Variants in RNASE10 observed in about 807,000 individuals in gnomAD.
The protein encoded by RNASE10 is inactive ribonuclease-like protein 10.
Under a neutral mutation model 1.1 loss-of-function variants are expected in RNASE10, and 2 were observed. The ratio of observed to expected loss-of-function variants is 1.82; its 90% CI spans 0.74 to 5.73. The LOEUF is 5.73. Ranked by LOEUF, RNASE10 falls within the 30% of genes most tolerant of loss-of-function variation. The pLI is 0.05. For missense variants in RNASE10, 276 were observed against 263.4 expected, an observed-to-expected ratio of 1.05 and a Z score of -0.33; for synonymous variants, 97 against 96.2, an observed-to-expected ratio of 1.01 and a Z score of -0.05.
chr14:20,508,978 T>TC (rs1240377211), intron 1 of RNASE10, among the ~76,000 whole-genome samples: 6 of 150,398 alleles, frequency 4.0e-5, no homozygotes, highest in Non-Finnish European at 8.9e-5. Context: ...TCATAGCAAT[T>TC]TTTTTTTTTT....
At chr14:20,504,294 G>A (rs1882632330), upstream of RNASE10, among the ~76,000 whole-genome samples, 1 of 152,226 alleles carries the variant, frequency 6.6e-6, no homozygotes, top group Admixed American at 6.5e-5. Context: ...CCCTGGGAGG[G>A]AAGAACTTGG....
chr14:20,506,584 T>C (rs1383920743), intron 1 of RNASE10, among the ~76,000 whole-genome samples: 1 of 99,980 alleles, frequency 1.0e-5, no homozygotes, highest in Non-Finnish European at 2.0e-5. Context: ...GGAGCCCCTC[T>C]GCCCGGCCAG....
chr14:20,507,375 C>G (rs879685008), intron 1 of RNASE10, among the ~76,000 whole-genome samples: 2 of 126,300 alleles, frequency 1.6e-5, no homozygotes, highest in Admixed American at 8.0e-5. Context: ...GGATTAAGGG[C>G]GGTGCAAGAT....
Position 20,511,002 on chromosome 14 carries a change from G to T in RNASE10, c.615G>T (p.Leu205Phe), listed in dbSNP as rs762152558. The T allele has an allele frequency of 1.8e-5, 28 of 1,598,138 alleles. No homozygotes were observed. In the South Asian group the frequency reaches 2.7e-4, roughly 15 times the overall value. The change falls in exon 2 of 2, where the codon TTG becomes TTT. Residue 205 changes from leucine (L) to phenylalanine (F), a missense_variant. Leu to Phe is a conservative substitution (Grantham distance 22). Transcript: ENST00000430083. ...GCTCCCGACCTTTTGATTTGACATT[G>T]TGCGAGCTGTCCCAACCAGACCAGG... is the stretch of plus-strand genomic sequence containing the variant.
At chr14:20,507,822 A>G (rs1388974409) in intron 1 of RNASE10, among the ~76,000 whole-genome samples, 1 of 151,632 alleles carries the variant, frequency 6.6e-6, no homozygotes, top group Non-Finnish European at 1.5e-5. Context: ...ATCATGGCTC[A>G]CTGCAGCCTC....
upstream of RNASE10, among the ~76,000 whole-genome samples, chr14:20,505,261 G>GCTCCCT (rs752030796): frequency 7.8e-5 from 4 of 51,358 alleles, no homozygotes; most frequent in Non-Finnish European, 1.4e-4. Context: ...AAGTGAGTTT[G>GCTCCCT]CTCCCTCTCC....
At chr14:20,513,044 G>A (rs141418506), downstream of RNASE10, among the ~76,000 whole-genome samples, 381 of 152,238 alleles carry the variant, frequency 2.5e-3, no homozygotes, top group African/African-American at 8.5e-3. Flanking sequence ...AATGGAATTA[G>A]CCAGGGATTA....
chr14:20,513,337 T>C (rs1882942508), downstream of RNASE10, among the ~76,000 whole-genome samples: 1 of 152,206 alleles, frequency 6.6e-6, no homozygotes, highest in Admixed American at 6.5e-5. Flanking sequence ...CCATGGCTGA[T>C]AACAGGGTGA....
At chr14:20,511,379 A>G (rs1882897697), downstream of RNASE10, among the ~76,000 whole-genome samples, 1 of 152,132 alleles carries the variant, frequency 6.6e-6, no homozygotes, top group African/African-American at 2.4e-5. Flanking sequence ...TGTAGTCCGT[A>G]CTGTAGTCCT....
chr14:20,506,298 T>C (rs1882713794), intron 1 of RNASE10, among the ~76,000 whole-genome samples: 2 of 101,030 alleles, frequency 2.0e-5, no homozygotes, highest in Non-Finnish European at 2.0e-5. Flanking sequence ...AGCCGCCCCG[T>C]CCGGGAGGGA....
upstream of RNASE10, among the ~76,000 whole-genome samples, chr14:20,505,193 A>G (rs1336452974): frequency 6.7e-6 from 1 of 149,090 alleles, no homozygotes; most frequent in African/African-American, 2.5e-5. Context: ...TCACCCATGA[A>G]ACAGTGTCTG....
exon 2 of RNASE10, chr14:20,510,535 G>T (rs1294217068): frequency 6.2e-7 from 1 of 1,614,142 alleles, no homozygotes; most frequent in Non-Finnish European, 8.5e-7. Flanking sequence ...CCTGGGGATG[G>T]GCCTGGGGTT....
exon 2 of RNASE10, chr14:20,510,511 A>C (rs542463338): frequency 2.0e-5 from 32 of 1,612,938 alleles, no homozygotes; most frequent in Admixed American, 8.4e-5. Context: ...CATGTTGCTG[A>C]TGCTGCTGCT....
intron 1 of RNASE10, among the ~76,000 whole-genome samples, chr14:20,507,004 C>T (rs1882754976): frequency 6.6e-6 from 1 of 150,604 alleles, no homozygotes; most frequent in Admixed American, 6.6e-5. Flanking sequence ...GGGTCAGCCC[C>T]CCGCCCGGCC....
exon 2 of RNASE10, chr14:20,510,531 G>T (rs756374634): frequency 3.7e-6 from 6 of 1,613,968 alleles, no homozygotes. Context: ...TGGGCCTGGG[G>T]ATGGGCCTGG....
At chr14:20,506,945 G>T (rs1271265701) in intron 1 of RNASE10, among the ~76,000 whole-genome samples, 1 of 140,344 alleles carries the variant, frequency 7.1e-6, no homozygotes, top group Non-Finnish European at 1.5e-5. Context: ...GGGGAGGGGG[G>T]GTCAGCCCCC....
rs188607231 is a variant in RNASE10 at position 20,507,802 on chromosome 14, T to C, written c.79+1783T>C. ...CACTCCGGTTGCCCAGGCTGGGGTGTAGCAGTTGGATCATGGCTCACTGCA... is the reference window on the plus strand; with the variant it reads ...CACTCCGGTTGCCCAGGCTGGGGTGCAGCAGTTGGATCATGGCTCACTGCA... On this transcript the variant is annotated intron_variant, in intron 1 of 1. Transcript: ENST00000430083. 3.3e-5 allele frequency among the ~76,000 whole-genome samples: 5 copies of C among 151,892 alleles called. No individual in the cohort carries two copies. In the East Asian group the frequency reaches 9.7e-4, roughly 29 times the overall value.
At chr14:20,513,294 G>A (rs73569483), downstream of RNASE10, among the ~76,000 whole-genome samples, 4,241 of 152,054 alleles carry the variant, frequency 0.028, 181 homozygotes, top group African/African-American at 0.092. Context: ...TACTCCACAG[G>A]CGCCTAGTGG....
rs778719048 is a variant in RNASE10, at chr14:20,511,133, C to G, written c.*11C>G. 7 of 1,467,998 alleles carry G rather than the reference C, an allele frequency of 4.8e-6. No individual in the cohort carries two copies. In the South Asian group the frequency reaches 1.1e-4, roughly 22 times the overall value. The allele number at this position is 1,467,998 out of a possible 1,614,324, so 90.9% of individuals were successfully genotyped here. A position where few individuals can be genotyped will look rare whatever the true frequency, so the allele number is the denominator to read the frequency against. On this transcript the variant is annotated 3_prime_UTR_variant, in exon 2 of 2. Coordinates refer to ENST00000430083, the Ensembl canonical transcript of RNASE10. The stretch of plus-strand genomic sequence containing the variant: ...CCAACTGGACAATGAAGCAACTCAT[C>G]ATCTTTTTTCTCTTCACCTTCTCCT...
Sources: allele counts gnomAD v4.1 joint callset (sites outside exome capture counted in the v4.1 genomes callset), GRCh38; gene constraint gnomAD v4.1.1; transcripts MANE v1.5; gene names NCBI Gene and HGNC (gene_info 2026-07-23, HGNC 2026-07-21).